The following CDIN1 variants were observed in gnomAD, a reference collection of about 807,000 sequenced individuals.
The protein encoded by CDIN1 is CDAN1-interacting nuclease 1.
CDIN1 carries 33 observed loss-of-function variants against 45.3 expected under a neutral mutation model. The ratio of observed to expected loss-of-function variants is 0.73; its 90% CI spans 0.55 to 0.97. The LOEUF is 0.97. CDIN1 is among the 50% of genes least tolerant of loss of function. The pLI is 0.00. For missense variants in CDIN1, 303 were observed against 339.4 expected (o/e 0.89, Z 0.84); for synonymous variants, 118 against 124.4 (o/e 0.95, Z 0.34).
rs150956228 is a variant in CDIN1 at position 36,781,887 on chromosome 15, G to A, written c.717-26437G>A. On this transcript the variant is annotated intron_variant, in intron 10 of 10. Transcript: ENST00000566621. The stretch of plus-strand genomic sequence containing the variant: ...TTGGCCCTAGGAACAGAGACACATA[G>A]ATCCAGCCCCTGTCCTCACCAATCT... Among the ~76,000 whole-genome samples the A allele has an allele frequency of 2.6e-3, 399 of 152,314 alleles. 2 individuals are homozygous for A. Among genetic ancestry groups the A allele is most frequent in the African/African-American group, 9.1e-3 (377 of 41,576 alleles).
Position 36,809,188 on chromosome 15 carries a change from T to C in CDIN1, c.*735T>C. The C allele has an allele frequency of 3.4e-6, 1 of 290,356 alleles. No individual in the cohort carries two copies. The highest frequency in any genetic ancestry group is 6.8e-6 in the Non-Finnish European group (1 of 146,466). 18.0% of individuals were successfully genotyped at this position (290,356 alleles called of 1,614,324 possible). On this transcript the variant is annotated 3_prime_UTR_variant, in exon 11 of 11. Transcript: ENST00000566621. ...TCTTATTTGAAAGTATTAGTTCCAT[T>C]GTGCCTGGAAACCACACTCCTTTAG...
chr15:36,751,048 T>G (rs2053445843), intron 10 of CDIN1, among the ~76,000 whole-genome samples: 1 of 151,790 alleles, frequency 6.6e-6, no homozygotes, highest in African/African-American at 2.4e-5. Context: ...ATGAACAACC[T>G]TCTAACATTT....
chr15:36,679,003 G>A (rs182182940), intron 5 of CDIN1, among the ~76,000 whole-genome samples: 151 of 152,330 alleles, frequency 9.9e-4, no homozygotes, highest in African/African-American at 3.3e-3. Flanking sequence ...TTAGCTGGGG[G>A]AAAATTCTTC....
chr15:36,601,688 A>G (rs1233161182), intron 1 of CDIN1, among the ~76,000 whole-genome samples: 1 of 152,210 alleles, frequency 6.6e-6, no homozygotes, highest in Non-Finnish European at 1.5e-5. Context: ...AAGCTGCTTT[A>G]TCTTAACTGT....
chr15:36,649,675 C>T (rs541581271), intron 3 of CDIN1, among the ~76,000 whole-genome samples: 34 of 152,336 alleles, frequency 2.2e-4, no homozygotes, highest in Admixed American at 1.8e-3. Flanking sequence ...CAGCTTGGAA[C>T]ACCTTCTGCT....
intron 10 of CDIN1, among the ~76,000 whole-genome samples, chr15:36,750,109 G>A (rs529392928): frequency 2.6e-5 from 4 of 151,736 alleles, no homozygotes; most frequent in African/African-American, 4.8e-5. Flanking sequence ...TGTGGTGGGG[G>A]CACAGGAGAG....
chr15:36,664,826 C>A (rs112403019), intron 5 of CDIN1, among the ~76,000 whole-genome samples: 74 of 152,170 alleles, frequency 4.9e-4, no homozygotes, highest in Non-Finnish European at 8.8e-4. Flanking sequence ...GATTACAGGC[C>A]TGAGCCACCG....
intron 1 of CDIN1, among the ~76,000 whole-genome samples, chr15:36,604,533 A>G (rs1443441173): frequency 1.3e-5 from 2 of 151,744 alleles, no homozygotes; most frequent in African/African-American, 4.8e-5. Context: ...GTTTTATTCA[A>G]GTTGGAATGC....
At chr15:36,681,310 A>G (rs994313991) in intron 5 of CDIN1, among the ~76,000 whole-genome samples, 1 of 152,182 alleles carries the variant, frequency 6.6e-6, no homozygotes, top group Non-Finnish European at 1.5e-5. Flanking sequence ...GGAGAAAATT[A>G]GAAGAATTAG....
At chr15:36,692,033 G>GGGGT in intron 6 of CDIN1, 93 bp from the exon 7 acceptor site, 1 of 1,032,402 alleles carries the variant, frequency 9.7e-7, no homozygotes, top group Non-Finnish European at 1.3e-6. Context: ...CGGGGGTGGG[G>GGGGT]GAAGAAAAGT....
At chr15:36,648,425 C>CTTTT (rs1206681842) in intron 3 of CDIN1, among the ~76,000 whole-genome samples, 2 of 58,312 alleles carry the variant, frequency 3.4e-5, no homozygotes, top group African/African-American at 6.7e-5. Flanking sequence ...TTCCAATATT[C>CTTTT]TATTTTTTTT....
chr15:36,704,922 CCT>C (rs1319998665), intron 8 of CDIN1: 1 of 151,854 alleles, frequency 6.6e-6, no homozygotes, highest in African/African-American at 2.4e-5. Flanking sequence ...CTCATGTCCC[CCT>C]GTGATTCTTA....
At chr15:36,694,201 A>T (rs1179800882) in intron 7 of CDIN1, among the ~76,000 whole-genome samples, 1 of 152,194 alleles carries the variant, frequency 6.6e-6, no homozygotes, top group African/African-American at 2.4e-5. Context: ...AGAGAAACTG[A>T]TGTTGTCTCT....
At chr15:36,612,363 T>C (rs1173321325) in intron 1 of CDIN1, among the ~76,000 whole-genome samples, 2 of 152,062 alleles carry the variant, frequency 1.3e-5, no homozygotes, top group Non-Finnish European at 2.9e-5. Flanking sequence ...TGGAGCAAAA[T>C]TGCTGTGGTG....
Position 36,625,737 on chromosome 15 carries a change from G to A in CDIN1, c.102-18541G>A, listed in dbSNP as rs906952990. Reference sequence around the variant, plus strand: ...CTTGAAGAATTAGTTAGCTAGCTGGGAATATTGGAGGAATAATTAATCATC... The same window carrying A: ...CTTGAAGAATTAGTTAGCTAGCTGGAAATATTGGAGGAATAATTAATCATC... On this transcript the variant is annotated intron_variant, in intron 1 of 10. Coordinates refer to ENST00000566621, the MANE Select transcript of CDIN1 (RefSeq NM_001321759.2). Among the ~76,000 whole-genome samples the A allele has an allele frequency of 2.6e-5, 4 of 152,274 alleles. No individual in the cohort carries two copies. In the East Asian group the frequency reaches 5.8e-4, roughly 22 times the overall value.
At chr15:36,729,522 G>A (rs1369995301) in intron 10 of CDIN1, among the ~76,000 whole-genome samples, 3 of 152,066 alleles carry the variant, frequency 2.0e-5, no homozygotes, top group South Asian at 2.1e-4. Flanking sequence ...CCAAGAAGTC[G>A]TGTCCTTTTG....
At chr15:36,701,961 T>C (rs2042661590) in intron 8 of CDIN1, 1 of 683,428 alleles carries the variant, frequency 1.5e-6, no homozygotes. Context: ...CCTGAAGCAA[T>C]AATACTCTGC....
chr15:36,719,051 C>T (rs1174842411), intron 10 of CDIN1, among the ~76,000 whole-genome samples: 1 of 151,438 alleles, frequency 6.6e-6, no homozygotes, highest in Non-Finnish European at 1.5e-5. Context: ...TAGTGAGACC[C>T]TGTTTCTATT....
chr15:36,617,829 C>T (rs897300628), intron 1 of CDIN1: 3 of 788,044 alleles, frequency 3.8e-6, no homozygotes, highest in African/African-American at 3.4e-5. Flanking sequence ...GACACAGATA[C>T]ACAAAAGGCT....
Sources: allele counts gnomAD v4.1 joint callset (sites outside exome capture counted in the v4.1 genomes callset), GRCh38; gene constraint gnomAD v4.1.1; transcripts MANE v1.5; gene names NCBI Gene and HGNC (gene_info 2026-07-23, HGNC 2026-07-21).